The following STX16 variants were observed in gnomAD, a reference collection of about 807,000 sequenced individuals.
STX16 encodes the protein syntaxin-16.
In STX16, 28 loss-of-function variants were observed where a neutral mutation model predicts 42.7. That is an observed-to-expected ratio of 0.66 (90% CI 0.49 to 0.90). STX16 has a LOEUF of 0.90. STX16 is among the 40% of genes least tolerant of loss of function. The pLI is 0.00. For missense variants in STX16, 361 were observed against 420.9 expected (o/e 0.86, Z 1.24); for synonymous variants, 156 against 155.2 (o/e 1.00, Z -0.04).
chr20:58,667,861 A>T, intron 3 of STX16, 126 bp from the exon 4 acceptor site: 1 of 1,252,560 alleles, frequency 8.0e-7, no homozygotes, highest in African/African-American at 1.5e-5. Flanking sequence ...TTGAATTAAA[A>T]GCTGCTCACA....
intron 2 of STX16, 167 bp from the exon 3 acceptor site, chr20:58,667,323 G>A (rs2083859877): frequency 2.8e-6 from 2 of 705,812 alleles, no homozygotes; most frequent in Admixed American, 2.0e-5. Flanking sequence ...ATACAGGCAA[G>A]TGCATTCACT....
chr20:58,669,175 TA>T, intron 4 of STX16, 115 bp from the exon 5 acceptor site: 3 of 1,113,094 alleles, frequency 2.7e-6, no homozygotes, highest in South Asian at 1.5e-5. Context: ...CACCTTTCTC[TA>T]AACCAGACTG....
At chr20:58,662,901 T>C (rs1023476713) in intron 2 of STX16, among the ~76,000 whole-genome samples, 8 of 152,154 alleles carry the variant, frequency 5.3e-5, no homozygotes, top group African/African-American at 1.9e-4. Context: ...ATTTTAAAAT[T>C]ATTACGGGTT....
At position 58,651,955 on chromosome 20, in the gene STX16, G is replaced by A. The variant is rs1483381389; in HGVS notation, c.-52G>A. The A allele has an allele frequency of 3.8e-6, 6 of 1,593,846 alleles. No homozygotes were observed. Among genetic ancestry groups the A allele is most frequent in the Admixed American group, 1.7e-5 (1 of 59,506 alleles). ...CACGAGAAAGAAAGTGAATAAATCA[G>A]GAATATAAGTGGGCGGGGGGCCCCT... On this transcript the variant is annotated 5_prime_UTR_variant, in exon 1 of 9. Coordinates refer to ENST00000371141, the MANE Select transcript of STX16 (RefSeq NM_001001433.3).
At chr20:58,666,795 A>G (rs1439012670) in intron 2 of STX16, among the ~76,000 whole-genome samples, 2 of 152,216 alleles carry the variant, frequency 1.3e-5, no homozygotes, top group Admixed American at 1.3e-4. Flanking sequence ...AACAGGAACC[A>G]TCGATACCAT....
In STX16 at chr20:58,652,125, G is replaced by A. The variant is rs1159074237; in HGVS notation, c.119G>A (p.Arg40His). ...ATCACCTCCAGCCCTCTGCATTCAC[G>A]TAGCATTGCTGCGGTGAGTCTCCTG... Reference protein sequence around the residue: ...SHITSSPLHSRSIAAELDELA... With the variant: ...SHITSSPLHSHSIAAELDELA... Residue 40 changes from arginine (R) to histidine (H), a missense_variant, in exon 1 of 9, where the codon CGT becomes CAT. Coordinates refer to ENST00000371141, the MANE Select transcript of STX16 (RefSeq NM_001001433.3). 16 of 1,613,846 alleles carry A rather than the reference G, an allele frequency of 9.9e-6. No homozygotes were observed. The highest frequency in any genetic ancestry group is 3.3e-5 in the Admixed American group (2 of 60,010).
intron 1 of STX16, among the ~76,000 whole-genome samples, chr20:58,655,948 TAC>T (rs1370149253): frequency 6.6e-6 from 1 of 152,200 alleles, no homozygotes; most frequent in Non-Finnish European, 1.5e-5. Flanking sequence ...CCTAACAAAA[TAC>T]AGTCGTATTT....
At chr20:58,667,167 A>C (rs2083855493) in intron 2 of STX16, 1 of 424,666 alleles carries the variant, frequency 2.4e-6, no homozygotes, top group South Asian at 1.9e-5. Context: ...TATTTTAAGG[A>C]TCTTTTGTTG....
Position 58,669,336 on chromosome 20 carries a change from G to T in STX16, c.439G>T (p.Ala147Ser), listed in dbSNP as rs1244253385. ...TGCCGTGCAGGCCCTGCCGAGCCGGGCCCGGGCCTGCTCCGAGCAGGAGGG... is the reference window on the plus strand; with the variant it reads ...TGCCGTGCAGGCCCTGCCGAGCCGGTCCCGGGCCTGCTCCGAGCAGGAGGG... ...QRAVQALPSR[A>S]RACSEQEGRL... Residue 147 changes from alanine to serine, a missense_variant, in exon 5 of 9, where the codon GCC (alanine) becomes TCC (serine). Transcript: ENST00000371141. 6.2e-7 allele frequency: 1 copy of T among 1,611,910 alleles called. No individual in the cohort carries two copies. The highest frequency in any genetic ancestry group is 1.3e-5 in the African/African-American group (1 of 74,896).
intron 2 of STX16, among the ~76,000 whole-genome samples, chr20:58,665,137 AGT>A (rs1373101375): frequency 1.3e-5 from 2 of 152,142 alleles, no homozygotes; most frequent in Non-Finnish European, 2.9e-5. Context: ...TTGGAGCAGG[AGT>A]GTTGAGGAAT....
intron 3 of STX16, 31 bp downstream of exon 3, chr20:58,667,628 GT>G: frequency 6.4e-7 from 1 of 1,556,558 alleles, no homozygotes; most frequent in Non-Finnish European, 8.9e-7. Context: ...ATAGCATCTT[GT>G]TTTTTTAAGT....
At chr20:58,652,604 GGAGGGAGTT>G (rs1221524803) in intron 1 of STX16, among the ~76,000 whole-genome samples, 1 of 152,038 alleles carries the variant, frequency 6.6e-6, no homozygotes, top group African/African-American at 2.4e-5. Context: ...CCCTCAAAGA[GGAGGGAGTT>G]GTGTTGTTGT....
intron 3 of STX16, 48 bp from the exon 4 acceptor site, chr20:58,667,939 C>T (rs1459704043): frequency 6.2e-7 from 1 of 1,612,450 alleles, no homozygotes; most frequent in African/African-American, 1.3e-5. Context: ...TGGAGGCAGA[C>T]CATAGCCTGC....
intron 2 of STX16, among the ~76,000 whole-genome samples, chr20:58,662,649 T>C (rs1424732294): frequency 1.3e-5 from 2 of 152,202 alleles, no homozygotes; most frequent in Admixed American, 6.5e-5. Flanking sequence ...TAGCTGGGAC[T>C]ACAGGTGCGT....
chr20:58,676,458 G>A lies in STX16; in HGVS notation c.*167G>A, dbSNP rs560159476. ...CTCCTCCTTCCCTAGTCCTGCTCAA[G>A]CGGTCCGGGGAATGGGTTTTTGTTT... On this transcript the variant is annotated 3_prime_UTR_variant, in exon 9 of 9. Coordinates refer to ENST00000371141, the MANE Select transcript of STX16 (RefSeq NM_001001433.3). 56 of 609,756 alleles carry A rather than the reference G, an allele frequency of 9.2e-5. No individual in the cohort carries two copies. In the Middle Eastern group the frequency reaches 2.2e-3, roughly 24 times the overall value. The allele number at this position is 609,756 out of a possible 1,614,324, so 37.8% of individuals were successfully genotyped here. A position where few individuals can be genotyped will look rare whatever the true frequency, so the allele number is the denominator to read the frequency against.
intron 1 of STX16, among the ~76,000 whole-genome samples, chr20:58,654,888 A>G (rs927907850): frequency 6.6e-6 from 1 of 152,228 alleles, no homozygotes; most frequent in Non-Finnish European, 1.5e-5. Flanking sequence ...ACTCATTGTT[A>G]AGTCTAGTGA....
intron 2 of STX16, among the ~76,000 whole-genome samples, chr20:58,661,926 A>C (rs1204994781): frequency 6.6e-6 from 1 of 152,172 alleles, no homozygotes; most frequent in Non-Finnish European, 1.5e-5. Context: ...TGACGGCCTC[A>C]CTTCAGAGGC....
chr20:58,662,136 C>T (rs2083714995), intron 2 of STX16, among the ~76,000 whole-genome samples: 1 of 152,174 alleles, frequency 6.6e-6, no homozygotes, highest in Non-Finnish European at 1.5e-5. Context: ...TGTCTTATGA[C>T]AAAGAAATCT....
intron 6 of STX16, 46 bp from the exon 7 acceptor site, chr20:58,671,108 G>T: frequency 6.5e-7 from 1 of 1,545,274 alleles, no homozygotes; most frequent in South Asian, 1.2e-5. Flanking sequence ...TAGCTTTCCT[G>T]AGAGGGAAAA....
Sources: allele counts gnomAD v4.1 joint callset (sites outside exome capture counted in the v4.1 genomes callset), GRCh38; gene constraint gnomAD v4.1.1; transcripts MANE v1.5; gene names NCBI Gene and HGNC (gene_info 2026-07-23, HGNC 2026-07-21).